GALNTL6: variants seen among roughly 807,000 people sequenced by gnomAD.
The protein encoded by GALNTL6 is polypeptide N-acetylgalactosaminyltransferase-like 6.
Under a neutral mutation model 73.7 loss-of-function variants are expected in GALNTL6, and 46 were observed. The observed-to-expected ratio is 0.62, with a 90% CI of 0.49 to 0.80. The LOEUF is 0.80. Among genes scored for constraint, GALNTL6 ranks in the 30% least tolerant of loss-of-function variants. GALNTL6 has a pLI of 0.00. For missense variants in GALNTL6, 604 were observed against 755.0 expected, an observed-to-expected ratio of 0.80 and a Z score of 2.34; for synonymous variants, 259 against 263.7, an observed-to-expected ratio of 0.98 and a Z score of 0.17.
At chr4:172,875,148 A>G (rs191068905) in intron 7 of GALNTL6, among the ~76,000 whole-genome samples, 69 of 152,358 alleles carry the variant, frequency 4.5e-4, no homozygotes, top group African/African-American at 1.6e-3. Flanking sequence ...AAGCGCTGCT[A>G]TCACACAGAT....
Position 171,935,636 on chromosome 4 carries a change from A to AT in GALNTL6, c.138+120924dup, listed in dbSNP as rs200589705. Among the ~76,000 whole-genome samples, 254 of 152,252 alleles carry AT rather than the reference A, an allele frequency of 1.7e-3. 2 individuals carry two copies. Among genetic ancestry groups the AT allele is most frequent in the Admixed American group, 0.011 (175 of 15,280 alleles). ...AGCGACATGCCACCACGCCTAGCTA[A>AT]TTTTTTAAATTATTTGTAGAGATGA... On this transcript the variant is annotated intron_variant, in intron 2 of 12. Coordinates refer to ENST00000506823, the MANE Select transcript of GALNTL6 (RefSeq NM_001034845.3).
At chr4:172,931,472 A>C (rs2111320342) in intron 9 of GALNTL6, among the ~76,000 whole-genome samples, 1 of 152,342 alleles carries the variant, frequency 6.6e-6, no homozygotes, top group African/African-American at 2.4e-5. Flanking sequence ...GCATTTTCAC[A>C]TACATTATAT....
At chr4:171,910,484 G>T (rs1737444372) in intron 2 of GALNTL6, among the ~76,000 whole-genome samples, 1 of 151,368 alleles carries the variant, frequency 6.6e-6, no homozygotes, top group South Asian at 2.1e-4. Flanking sequence ...TGTAAAATTT[G>T]GAAATGTCTT....
At chr4:172,147,852 A>G (rs1733967358) in intron 2 of GALNTL6, among the ~76,000 whole-genome samples, 1 of 152,172 alleles carries the variant, frequency 6.6e-6, no homozygotes, top group Non-Finnish European at 1.5e-5. Flanking sequence ...ACAATCCTCG[A>G]ATACCTGAAT....
At chr4:172,045,879 C>T (rs1742206394) in intron 2 of GALNTL6, among the ~76,000 whole-genome samples, 1 of 151,930 alleles carries the variant, frequency 6.6e-6, no homozygotes, top group Non-Finnish European at 1.5e-5. Context: ...TCTGTAATCA[C>T]TATTGTACTC....
intron 8 of GALNTL6, among the ~76,000 whole-genome samples, chr4:172,899,380 C>T (rs1262381636): frequency 1.3e-5 from 2 of 152,156 alleles, no homozygotes; most frequent in African/African-American, 2.4e-5. Context: ...CTTGTTTTCC[C>T]CATCACTCAA....
chr4:171,899,947 C>G (rs1737032053), intron 2 of GALNTL6, among the ~76,000 whole-genome samples: 2 of 152,244 alleles, frequency 1.3e-5, no homozygotes, highest in Middle Eastern at 3.4e-3. Flanking sequence ...TTTGGTAAGT[C>G]AAGACCTCTT....
chr4:172,232,826 T>C (rs752852455), intron 3 of GALNTL6, among the ~76,000 whole-genome samples: 26 of 152,308 alleles, frequency 1.7e-4, no homozygotes, highest in Non-Finnish European at 3.2e-4. Context: ...TCCTTTTTGG[T>C]AAAAGTCCTA....
intron 5 of GALNTL6, among the ~76,000 whole-genome samples, chr4:172,788,677 A>G (rs1428753374): frequency 1.3e-5 from 2 of 151,174 alleles, no homozygotes; most frequent in African/African-American, 4.8e-5. Context: ...GTCTCAAAAA[A>G]AAAAAAAAAA....
chr4:171,940,307 G>A (rs940052924), intron 2 of GALNTL6, among the ~76,000 whole-genome samples: 3 of 147,184 alleles, frequency 2.0e-5, no homozygotes, highest in Non-Finnish European at 4.4e-5. Flanking sequence ...AAATGGGGAG[G>A]GGATGCAAAT....
At chr4:172,216,809 G>A (rs1347176843) in intron 2 of GALNTL6, among the ~76,000 whole-genome samples, 1 of 152,070 alleles carries the variant, frequency 6.6e-6, no homozygotes, top group South Asian at 2.1e-4. Flanking sequence ...GGTGGTCGGG[G>A]CGCAGCTTGG....
At chr4:172,175,294 G>C (rs1046629946) in intron 2 of GALNTL6, among the ~76,000 whole-genome samples, 1 of 152,030 alleles carries the variant, frequency 6.6e-6, no homozygotes, top group South Asian at 2.1e-4. Flanking sequence ...TCAAACTCCT[G>C]AACTCAGGTG....
chr4:172,160,903 C>T (rs1441624831), intron 2 of GALNTL6, among the ~76,000 whole-genome samples: 1 of 53,764 alleles, frequency 1.9e-5, no homozygotes, highest in Non-Finnish European at 4.0e-5. Context: ...CACACACACA[C>T]ACACACATAC....
intron 5 of GALNTL6, among the ~76,000 whole-genome samples, chr4:172,390,631 A>G (rs1743631425): frequency 6.6e-6 from 1 of 152,174 alleles, no homozygotes; most frequent in Non-Finnish European, 1.5e-5. Context: ...TACAAAATTC[A>G]GTGTTACCTA....
chr4:172,494,640 G>C (rs756647921), intron 5 of GALNTL6, among the ~76,000 whole-genome samples: 1 of 152,210 alleles, frequency 6.6e-6, no homozygotes, highest in Non-Finnish European at 1.5e-5. Flanking sequence ...GCAGCCTTCA[G>C]TCTGTGGCCA....
At chr4:172,421,453 A>T (rs1046858932) in intron 5 of GALNTL6, among the ~76,000 whole-genome samples, 5 of 152,030 alleles carry the variant, frequency 3.3e-5, no homozygotes, top group African/African-American at 1.2e-4. Flanking sequence ...TATTGTTTGT[A>T]TAAGTATTAT....
intron 2 of GALNTL6, among the ~76,000 whole-genome samples, chr4:171,909,581 G>T (rs10520212): frequency 0.035 from 5,333 of 152,208 alleles, 292 homozygotes; most frequent in African/African-American, 0.12. Context: ...AAGGTCTAAT[G>T]TAACTGAGGA....
At chr4:172,451,307 G>A (rs1334279587) in intron 5 of GALNTL6, among the ~76,000 whole-genome samples, 1 of 152,160 alleles carries the variant, frequency 6.6e-6, no homozygotes, top group East Asian at 1.9e-4. Flanking sequence ...ACGTTACCAG[G>A]AGATATAGTG....
At chr4:172,000,069 T>G (rs559566902) in intron 2 of GALNTL6, among the ~76,000 whole-genome samples, 2 of 152,224 alleles carry the variant, frequency 1.3e-5, no homozygotes, top group South Asian at 2.1e-4. Context: ...GTATGAGTGT[T>G]TAGAACAATG....
Sources: allele counts gnomAD v4.1 joint callset (sites outside exome capture counted in the v4.1 genomes callset), GRCh38; gene constraint gnomAD v4.1.1; transcripts MANE v1.5; gene names NCBI Gene and HGNC (gene_info 2026-07-23, HGNC 2026-07-21).